Variants in PCDH11X observed in about 807,000 individuals in gnomAD.
PCDH11X encodes the protein protocadherin-11 X-linked.
In PCDH11X, 18 loss-of-function variants were observed where a neutral mutation model predicts 53.3. The ratio of observed to expected loss-of-function variants is 0.34; its 90% CI spans 0.23 to 0.50. PCDH11X has a LOEUF of 0.50. PCDH11X is among the 20% of genes least tolerant of loss of function. The pLI is 0.98. For missense variants in PCDH11X, 570 were observed against 1,032.4 expected, an observed-to-expected ratio of 0.55 and a Z score of 6.14; for synonymous variants, 279 against 393.3, an observed-to-expected ratio of 0.71 and a Z score of 3.44.
At chrX:92,515,163 A>G (rs946304118) in intron 10 of PCDH11X, among the ~76,000 whole-genome samples, 2 of 108,775 alleles carry the variant, frequency 1.8e-5, no homozygotes, top group African/African-American at 6.6e-5. Context: ...AAATAGTACT[A>G]TAATACGTGT....
intron 1 of PCDH11X, among the ~76,000 whole-genome samples, chrX:91,791,922 C>A (rs34791367): frequency 1.0e-5 from 1 of 98,272 alleles, no homozygotes; most frequent in African/African-American, 3.8e-5. Context: ...AGTGCAGTGG[C>A]GCAATCTCGG....
intron 4 of PCDH11X, among the ~76,000 whole-genome samples, chrX:91,823,945 G>T (rs1189928235): frequency 9.1e-6 from 1 of 110,048 alleles, no homozygotes; most frequent in African/African-American, 3.3e-5. Flanking sequence ...GCTTAGTTTG[G>T]CTGGATATGA....
At chrX:92,446,805 A>C (rs2072661333) in intron 9 of PCDH11X, among the ~76,000 whole-genome samples, 1 of 111,425 alleles carries the variant, frequency 9.0e-6, no homozygotes. Context: ...GAACAGTTGG[A>C]GGGCTCAGAA....
intron 10 of PCDH11X, among the ~76,000 whole-genome samples, chrX:92,578,689 G>A (rs1047487390): frequency 3.6e-5 from 4 of 110,742 alleles, no homozygotes; most frequent in African/African-American, 1.3e-4. Flanking sequence ...GGTGGGTCTT[G>A]ACTCTATCCA....
chrX:92,521,729 G>T (rs2074373159), intron 10 of PCDH11X, among the ~76,000 whole-genome samples: 1 of 109,058 alleles, frequency 9.2e-6, no homozygotes, highest in African/African-American at 3.3e-5. Context: ...TTGAAAATCT[G>T]CTGTTTAGTG....
intron 1 of PCDH11X, among the ~76,000 whole-genome samples, chrX:91,806,011 A>G (rs1274574522): frequency 8.9e-6 from 1 of 112,107 alleles, no homozygotes; most frequent in African/African-American, 3.2e-5. Context: ...TAAAGTAGGG[A>G]GATCAGCAGG....
chrX:91,827,258 C>A (rs1318639293), intron 4 of PCDH11X, among the ~76,000 whole-genome samples: 3 of 111,624 alleles, frequency 2.7e-5, no homozygotes, highest in Non-Finnish European at 5.6e-5. Context: ...ACATGTAAGT[C>A]TTCTTTTGAA....
At chrX:92,007,254 A>G (rs1180560047) in intron 6 of PCDH11X, among the ~76,000 whole-genome samples, 2 of 111,618 alleles carry the variant, frequency 1.8e-5, no homozygotes, top group East Asian at 2.8e-4. Flanking sequence ...GTCAGGGACT[A>G]GCATCAAAAA....
Position 92,172,523 on chromosome X carries a change from G to A in PCDH11X, c.3034-28852G>A, listed in dbSNP as rs143635005. ...TCCTGCCTCAGCCTACCGAGTAACT[G>A]GGACTATAGGTGTGTGCCACCATGC... On this transcript the variant is annotated intron_variant, in intron 6 of 10. Coordinates refer to ENST00000682573, the MANE Select transcript of PCDH11X (RefSeq NM_032968.5). Among the ~76,000 whole-genome samples, 994 of 108,877 alleles carry A rather than the reference G, an allele frequency of 9.1e-3. 13 individuals carry two copies. Among genetic ancestry groups the A allele is most frequent in the African/African-American group, 0.032 (946 of 30,013 alleles). The allele number at this position is 108,877 out of a possible 115,157, so 94.5% of individuals were successfully genotyped here.
At chrX:91,828,469 T>A (rs1936999007) in intron 4 of PCDH11X, among the ~76,000 whole-genome samples, 1 of 111,608 alleles carries the variant, frequency 9.0e-6, no homozygotes, top group Non-Finnish European at 1.9e-5. Flanking sequence ...TATGGTTCAG[T>A]TGTTTTTCTA....
chrX:92,589,099 TA>T (rs1187391449), intron 10 of PCDH11X, among the ~76,000 whole-genome samples: 1 of 111,766 alleles, frequency 8.9e-6, no homozygotes, highest in African/African-American at 3.2e-5. Flanking sequence ...TATGTCTGGT[TA>T]AAAATATTCT....
intron 9 of PCDH11X, among the ~76,000 whole-genome samples, chrX:92,417,789 G>T (rs145266019): frequency 1.0e-5 from 1 of 100,138 alleles, no homozygotes; most frequent in Non-Finnish European, 2.0e-5. Context: ...TATAGCCGTG[G>T]TCACACACTT....
chrX:91,875,996 A>G (rs1265304682), intron 5 of PCDH11X, among the ~76,000 whole-genome samples: 1 of 111,882 alleles, frequency 8.9e-6, no homozygotes, highest in Non-Finnish European at 1.9e-5. Flanking sequence ...ACAGTAAAAA[A>G]TATTTTAATT....
intron 6 of PCDH11X, among the ~76,000 whole-genome samples, chrX:91,892,094 A>T (rs1404640794): frequency 5.7e-5 from 6 of 105,627 alleles, no homozygotes; most frequent in Non-Finnish European, 1.2e-4. Context: ...CCAAGTATGT[A>T]TTGGGTATGG....
intron 6 of PCDH11X, among the ~76,000 whole-genome samples, chrX:92,136,222 A>C (rs111549134): frequency 0.03 from 3,334 of 110,625 alleles, 140 homozygotes; most frequent in African/African-American, 0.1. Flanking sequence ...TGAGGGAGTA[A>C]TCATGTGGCT....
At chrX:91,920,099 TACA>T (rs1469478865) in intron 6 of PCDH11X, among the ~76,000 whole-genome samples, 1 of 111,845 alleles carries the variant, frequency 8.9e-6, no homozygotes, top group African/African-American at 3.2e-5. Flanking sequence ...TTAAGGGGCC[TACA>T]CATTGACAAA....
intron 10 of PCDH11X, among the ~76,000 whole-genome samples, chrX:92,493,835 C>T (rs1244589586): frequency 3.8e-5 from 4 of 106,581 alleles, no homozygotes; most frequent in Admixed American, 1.0e-4. Flanking sequence ...TTAGTAGTGA[C>T]GGGGTTTCAC....
At position 91,804,024 on chromosome X, in the gene PCDH11X, G is replaced by A. The variant is rs184245117; in HGVS notation, c.-378-5442G>A. On this transcript the variant is annotated intron_variant, in intron 1 of 10. Coordinates refer to ENST00000682573, the MANE Select transcript of PCDH11X (RefSeq NM_032968.5). Reference sequence around the variant, plus strand: ...GATAATCCCCACTGTTGGCTAAATTGTGGAAGTTTTACGCTTCTTGTATTG... The same window carrying A: ...GATAATCCCCACTGTTGGCTAAATTATGGAAGTTTTACGCTTCTTGTATTG... Among the ~76,000 whole-genome samples, 63 of 111,635 alleles carry A rather than the reference G, an allele frequency of 5.6e-4. No individual in the cohort carries two copies. In the Admixed American group the frequency reaches 5.7e-3, roughly 10 times the overall value.
At chrX:92,230,539 TATCTATA>T (rs1267801664) in intron 7 of PCDH11X, among the ~76,000 whole-genome samples, 2 of 93,774 alleles carry the variant, frequency 2.1e-5, no homozygotes, top group Non-Finnish European at 4.1e-5. Context: ...ACATATATAA[TATCTATA>T]ATATATAATA....
Sources: allele counts gnomAD v4.1 joint callset (sites outside exome capture counted in the v4.1 genomes callset), GRCh38; gene constraint gnomAD v4.1.1; transcripts MANE v1.5; gene names NCBI Gene and HGNC (gene_info 2026-07-23, HGNC 2026-07-21).